The following EXOC2 variants were observed in gnomAD, a reference collection of about 807,000 sequenced individuals.
EXOC2 encodes exocyst complex component 2.
EXOC2 carries 70 observed loss-of-function variants against 131.8 expected under a neutral mutation model. The observed-to-expected ratio is 0.53, with a 90% CI of 0.44 to 0.65. EXOC2 has a LOEUF of 0.65. EXOC2 is among the 30% of genes least tolerant of loss of function. The pLI, the probability that EXOC2 is intolerant of heterozygous loss-of-function variation, is 0.00. For synonymous variants in EXOC2, 411 were observed against 398.4 expected, an observed-to-expected ratio of 1.03 and a Z score of -0.38; for missense variants, 923 against 1,108.6, an observed-to-expected ratio of 0.83 and a Z score of 2.38.
At chr6:526,462 C>CA (rs1417268778) in intron 23 of EXOC2, among the ~76,000 whole-genome samples, 1 of 103,138 alleles carries the variant, frequency 9.7e-6, no homozygotes, top group Non-Finnish European at 1.8e-5. Flanking sequence ...TTTTTTGAGA[C>CA]AGAGTTTCGC....
At chr6:620,723 C>T (rs1162729755) in intron 4 of EXOC2, among the ~76,000 whole-genome samples, 2 of 152,162 alleles carry the variant, frequency 1.3e-5, no homozygotes, top group Non-Finnish European at 2.9e-5. Context: ...TCCAACTTCA[C>T]CCAAAGGTAA....
Position 632,960 on chromosome 6 carries a change from T to G in EXOC2, c.276A>C (p.Leu92=), listed in dbSNP as rs370075088. ...GRGTSTVSFK[L]LKPEKIGILD... is the part of the protein sequence containing the mutation. ...CTTTACCTATTTTCTCAGGTTTGAG[T>G]AGCTTGAAAGAGACTGTTGAGGTTC... The change falls in exon 3 of 28, where the codon CTA becomes CTC. Residue 92 remains leucine, a synonymous_variant. Transcript: ENST00000230449. The G allele has an allele frequency of 5.6e-6, 9 of 1,612,152 alleles. No individual in the cohort carries two copies. The African/African-American group carries it at 1.2e-4, about 22-fold the overall frequency.
intron 2 of EXOC2, among the ~76,000 whole-genome samples, chr6:637,145 T>C (rs974633671): frequency 4.1e-5 from 3 of 74,042 alleles, no homozygotes; most frequent in Non-Finnish European, 1.1e-4. Context: ...TAAACTCCGC[T>C]AGAAAAGATA....
Position 686,478 on chromosome 6 carries a change from A to G in EXOC2, c.-44+6541T>C, listed in dbSNP as rs144773363. ...GAATAAAGGCCTTCCCTCCCTCTAC[A>G]ATGTTTGGAGGTGAGAGATTAAGGG... On this transcript the variant is annotated intron_variant, in intron 1 of 27. Transcript: ENST00000230449. Among the ~76,000 whole-genome samples, 294 of 152,200 alleles carry G rather than the reference A, an allele frequency of 1.9e-3. 1 individual carries two copies. The highest frequency in any genetic ancestry group is 0.01 in the Middle Eastern group (3 of 294).
chr6:617,882 G>A (rs1446728030), intron 5 of EXOC2, 47 bp from the exon 6 acceptor site: 4 of 1,584,374 alleles, frequency 2.5e-6, no homozygotes, highest in Admixed American at 3.7e-5. Context: ...TAACATGCAA[G>A]AAAGAAAAAA....
intron 1 of EXOC2, chr6:656,359 C>T (rs1763087415): frequency 6.2e-7 from 1 of 1,614,214 alleles, no homozygotes; most frequent in Non-Finnish European, 8.5e-7. Flanking sequence ...GACACCACCT[C>T]CGTCTCTATA....
chr6:546,833 A>G (rs1756889906), intron 22 of EXOC2, among the ~76,000 whole-genome samples: 1 of 152,208 alleles, frequency 6.6e-6, no homozygotes, highest in African/African-American at 2.4e-5. Flanking sequence ...GGAGGCTACT[A>G]GTAGTTAGGT....
In EXOC2 at chr6:607,163, C is replaced by A. The variant is rs549336975; in HGVS notation, c.742+2935G>T. Among the ~76,000 whole-genome samples, 55 of 152,312 alleles carry A rather than the reference C, an allele frequency of 3.6e-4. No individual in the cohort carries two copies. In the Middle Eastern group the frequency reaches 0.024, roughly 66 times the overall value. Reference sequence around the variant, plus strand: ...GCCCTGTGGGAACCGCAGTTCTCCACGGTGTTGCTGGGGGACGGCTGTCAT... The same window carrying A: ...GCCCTGTGGGAACCGCAGTTCTCCAAGGTGTTGCTGGGGGACGGCTGTCAT... On this transcript the variant is annotated intron_variant, in intron 7 of 27. Transcript: ENST00000230449.
rs111629279 is a variant in EXOC2, at chr6:495,872, A to G, written c.2559+1495T>C. On this transcript the variant is annotated intron_variant, in intron 25 of 27. Coordinates refer to ENST00000230449, the MANE Select transcript of EXOC2 (RefSeq NM_018303.6). The stretch of plus-strand genomic sequence containing the variant: ...ATGCTGGATATTGAGACATTGTCCC[A>G]CGGGTCGAGAGCTCCGCTTGCTTTT... Among the ~76,000 whole-genome samples the G allele has an allele frequency of 1.8e-3, 268 of 152,038 alleles. 3 individuals are homozygous for G. Among genetic ancestry groups the G allele is most frequent in the African/African-American group, 6.2e-3 (254 of 41,290 alleles).
rs901776360 is a variant in EXOC2, at chr6:693,067, A to C, written c.-92T>G. 3.3e-5 allele frequency: 5 copies of C among 152,398 alleles called. No individual in the cohort carries two copies. The highest frequency in any genetic ancestry group is 1.2e-4 in the African/African-American group (5 of 41,478). 9.4% of individuals were successfully genotyped at this position (152,398 alleles called of 1,614,324 possible). A position where few individuals can be genotyped will look rare whatever the true frequency, so the allele number is the denominator to read the frequency against. ...ACGGCCGGCACAGACAGGGCCCGGT[A>C]GGTCTCGCCGAAGACTCCGCGGCCG... On this transcript the variant is annotated 5_prime_UTR_variant, in exon 1 of 28. Transcript: ENST00000230449.
At chr6:538,812 G>A (rs1167175282) in intron 22 of EXOC2, among the ~76,000 whole-genome samples, 2 of 152,316 alleles carry the variant, frequency 1.3e-5, no homozygotes, top group South Asian at 2.1e-4. Flanking sequence ...AGTGGCTCAC[G>A]CCTATAATCC....
At chr6:529,720 A>G (rs928891565) in intron 23 of EXOC2, among the ~76,000 whole-genome samples, 3 of 152,234 alleles carry the variant, frequency 2.0e-5, no homozygotes, top group African/African-American at 7.2e-5. Flanking sequence ...GACAAAATTC[A>G]TTTAAACTAT....
intron 22 of EXOC2, among the ~76,000 whole-genome samples, chr6:544,944 G>A (rs972816237): frequency 6.6e-6 from 1 of 151,652 alleles, no homozygotes; most frequent in Non-Finnish European, 1.5e-5. Context: ...TCAGGAGATC[G>A]AGACCATCCT....
intron 2 of EXOC2, among the ~76,000 whole-genome samples, chr6:637,416 T>C (rs894208397): frequency 6.6e-6 from 1 of 152,202 alleles, no homozygotes; most frequent in Non-Finnish European, 1.5e-5. Flanking sequence ...AGCAGCTCTT[T>C]TGACAATCAA....
intron 6 of EXOC2, among the ~76,000 whole-genome samples, chr6:611,066 A>T (rs949134179): frequency 4.6e-5 from 7 of 152,220 alleles, no homozygotes; most frequent in Non-Finnish European, 1.0e-4. Flanking sequence ...GGTTCAACTT[A>T]CTAAGTGAAA....
intron 27 of EXOC2, among the ~76,000 whole-genome samples, chr6:487,535 T>C (rs1411030609): frequency 1.3e-5 from 2 of 152,068 alleles, no homozygotes; most frequent in African/African-American, 4.8e-5. Flanking sequence ...GCCTCCTGAG[T>C]AGCTGAAACT....
chr6:564,243 C>T (rs1757850162), intron 15 of EXOC2, 89 bp from the exon 16 acceptor site: 27 of 1,520,406 alleles, frequency 1.8e-5, no homozygotes, highest in South Asian at 7.9e-5. Context: ...TCATTCCTCA[C>T]GGAGCTTACG....
intron 1 of EXOC2, among the ~76,000 whole-genome samples, chr6:658,669 T>TTATATATATATATATATATATATA (rs1561983485): frequency 3.1e-4 from 33 of 104,906 alleles, no homozygotes; most frequent in African/African-American, 8.4e-4. Flanking sequence ...ATATATATTT[T>TTATATATATATATATATATATATA]TTTTTTTTTT....
intron 25 of EXOC2, among the ~76,000 whole-genome samples, chr6:491,934 T>C (rs530252278): frequency 6.6e-6 from 1 of 152,360 alleles, no homozygotes; most frequent in African/African-American, 2.4e-5. Context: ...GTTCAACAAA[T>C]GGTGCTAGGG....
Sources: gnomAD v4.1 joint callset for allele counts (sites outside exome capture counted in the v4.1 genomes callset) on GRCh38, gnomAD v4.1.1 for gene constraint, MANE v1.5 for transcripts, NCBI Gene and HGNC (gene_info 2026-07-23, HGNC 2026-07-21) for gene names.